Variants in FGF12 observed in about 807,000 individuals in gnomAD.
The protein encoded by FGF12 is fibroblast growth factor 12.
Under a neutral mutation model 23.6 loss-of-function variants are expected in FGF12, and 14 were observed. The observed-to-expected ratio is 0.59, with a 90% CI of 0.39 to 0.93. The LOEUF (loss-of-function observed/expected upper bound fraction) is 0.93, where lower values mean the gene tolerates loss of function less well. FGF12 is among the 40% of genes least tolerant of loss of function. The pLI, the probability that FGF12 is intolerant of heterozygous loss-of-function variation, is 0.00. For missense variants in FGF12, 175 were observed against 217.8 expected (o/e 0.80, Z 1.24); for synonymous variants, 62 against 77.3 (o/e 0.80, Z 1.04).
intron 2 of FGF12, among the ~76,000 whole-genome samples, chr3:192,620,664 A>C (rs1037962543): frequency 5.9e-5 from 9 of 151,944 alleles, no homozygotes; most frequent in African/African-American, 2.2e-4. Context: ...ACTCACTCTT[A>C]TTTTCTTTAT....
chr3:192,316,557 G>A (rs1279819900), intron 4 of FGF12, among the ~76,000 whole-genome samples: 1 of 152,174 alleles, frequency 6.6e-6, no homozygotes, highest in African/African-American at 2.4e-5. Context: ...GCCCAGATAG[G>A]GGGCACCTAG....
chr3:192,471,764 G>C (rs1302737362), intron 2 of FGF12, among the ~76,000 whole-genome samples: 4 of 152,204 alleles, frequency 2.6e-5, no homozygotes, highest in African/African-American at 9.6e-5. Flanking sequence ...AGCTGAGTTT[G>C]CATGTATTGA....
chr3:192,717,909 C>G (rs1232525673), intron 2 of FGF12, among the ~76,000 whole-genome samples: 2 of 152,094 alleles, frequency 1.3e-5, no homozygotes, highest in African/African-American at 4.8e-5. Context: ...CCATGAAACC[C>G]TTAGACCTTG....
At chr3:192,566,074 G>T (rs893130358) in intron 2 of FGF12, among the ~76,000 whole-genome samples, 1 of 152,102 alleles carries the variant, frequency 6.6e-6, no homozygotes, top group Non-Finnish European at 1.5e-5. Context: ...CAAAAAGAAC[G>T]AAGTTCCGTC....
At chr3:192,457,950 C>T (rs970014400) in intron 2 of FGF12, among the ~76,000 whole-genome samples, 3 of 152,168 alleles carry the variant, frequency 2.0e-5, no homozygotes, top group Non-Finnish European at 2.9e-5. Context: ...TGCCCTCTGT[C>T]GCAGCCACTC....
chr3:192,648,026 A>G (rs1434583301), intron 2 of FGF12, among the ~76,000 whole-genome samples: 5 of 151,764 alleles, frequency 3.3e-5, no homozygotes, highest in African/African-American at 4.8e-5. Flanking sequence ...CCATTTCACA[A>G]AGGGTCAAAA....
intron 4 of FGF12, among the ~76,000 whole-genome samples, chr3:192,232,412 A>G (rs912740518): frequency 6.6e-6 from 1 of 152,198 alleles, no homozygotes; most frequent in Non-Finnish European, 1.5e-5. Flanking sequence ...AGATTCATTG[A>G]TGTATATGCA....
At chr3:192,607,628 T>C (rs1037622965) in intron 2 of FGF12, among the ~76,000 whole-genome samples, 5 of 152,152 alleles carry the variant, frequency 3.3e-5, no homozygotes, top group Admixed American at 3.3e-4. Flanking sequence ...GTTTTCTTCA[T>C]TTCTAATTGA....
intron 2 of FGF12, among the ~76,000 whole-genome samples, chr3:192,446,156 A>C (rs1202496748): frequency 6.6e-6 from 1 of 152,242 alleles, no homozygotes; most frequent in African/African-American, 2.4e-5. Flanking sequence ...CAGAAAAGTG[A>C]GACTATACCC....
At chr3:192,720,777 T>G (rs1031556781) in intron 2 of FGF12, among the ~76,000 whole-genome samples, 1 of 152,192 alleles carries the variant, frequency 6.6e-6, no homozygotes, top group Non-Finnish European at 1.5e-5. Flanking sequence ...GTGTTATAGT[T>G]TCCTAGTAAC....
chr3:192,174,502 T>C (rs564800980), intron 4 of FGF12, among the ~76,000 whole-genome samples: 1 of 152,208 alleles, frequency 6.6e-6, no homozygotes, highest in Non-Finnish European at 1.5e-5. Context: ...CATTTCCGGC[T>C]GGAAACATGG....
At chr3:192,472,221 T>C (rs988304556) in intron 2 of FGF12, among the ~76,000 whole-genome samples, 7 of 152,104 alleles carry the variant, frequency 4.6e-5, no homozygotes, top group Non-Finnish European at 8.8e-5. Flanking sequence ...TTTCACCATG[T>C]TGGCCAGGAT....
intron 5 of FGF12, among the ~76,000 whole-genome samples, chr3:192,155,223 T>C (rs963919448): frequency 0.011 from 1,606 of 152,144 alleles, 22 homozygotes; most frequent in African/African-American, 0.031. Context: ...TGGCACTCCC[T>C]AGTGAGATGA....
At chr3:192,209,556 C>A (rs1250739996) in intron 4 of FGF12, among the ~76,000 whole-genome samples, 1 of 152,124 alleles carries the variant, frequency 6.6e-6, no homozygotes. Flanking sequence ...GATAAACATG[C>A]ACAAGATGAA....
chr3:192,632,427 A>G (rs1715424542), intron 2 of FGF12, among the ~76,000 whole-genome samples: 1 of 152,244 alleles, frequency 6.6e-6, no homozygotes, highest in African/African-American at 2.4e-5. Flanking sequence ...CCCAGTAAGT[A>G]AAGACTTACA....
At chr3:192,285,038 CA>C (rs1220279351) in intron 4 of FGF12, among the ~76,000 whole-genome samples, 1 of 152,050 alleles carries the variant, frequency 6.6e-6, no homozygotes, top group Non-Finnish European at 1.5e-5. Context: ...ATACACATTA[CA>C]GAGACGTATA....
At chr3:192,461,026 A>C (rs990833093) in intron 2 of FGF12, among the ~76,000 whole-genome samples, 3 of 152,200 alleles carry the variant, frequency 2.0e-5, no homozygotes, top group Non-Finnish European at 2.9e-5. Context: ...CCAGTTTTAA[A>C]ATCTATAATC....
At chr3:192,148,609 TATC>T (rs1336121092) in intron 5 of FGF12, among the ~76,000 whole-genome samples, 5 of 152,224 alleles carry the variant, frequency 3.3e-5, no homozygotes, top group African/African-American at 1.2e-4. Context: ...AATTTTGTAT[TATC>T]ATATTTTACC....
chr3:192,255,852 A>C (rs925440700), intron 4 of FGF12, among the ~76,000 whole-genome samples: 1 of 152,012 alleles, frequency 6.6e-6, no homozygotes, highest in African/African-American at 2.4e-5. Context: ...AGTAGCCATT[A>C]ATGTCTTTCC....
Sources: gnomAD v4.1 joint callset for allele counts (sites outside exome capture counted in the v4.1 genomes callset) on GRCh38, gnomAD v4.1.1 for gene constraint, MANE v1.5 for transcripts, NCBI Gene and HGNC (gene_info 2026-07-23, HGNC 2026-07-21) for gene names.